The following SYT10 variants were observed in gnomAD, a reference collection of about 807,000 sequenced individuals.
SYT10 encodes synaptotagmin 10.
Under a neutral mutation model 51.1 loss-of-function variants are expected in SYT10, and 31 were observed. That is an observed-to-expected ratio of 0.61 (90% CI 0.46 to 0.82). SYT10 has a LOEUF of 0.82. Ranked by LOEUF, SYT10 falls within the 40% of genes least tolerant of loss-of-function variation. The pLI is 0.00. For missense variants in SYT10, 603 were observed against 634.0 expected (o/e 0.95, Z 0.53); for synonymous variants, 233 against 225.9 (o/e 1.03, Z -0.28).
At chr12:33,390,754 C>T (rs1178254016) in intron 3 of SYT10, among the ~76,000 whole-genome samples, 1 of 152,092 alleles carries the variant, frequency 6.6e-6, no homozygotes, top group African/African-American at 2.4e-5. Flanking sequence ...TAAAAAATGC[C>T]AAGCACTCTT....
chr12:33,407,576 C>T (rs886447074), intron 2 of SYT10, among the ~76,000 whole-genome samples: 5 of 152,132 alleles, frequency 3.3e-5, no homozygotes, highest in African/African-American at 1.2e-4. Context: ...ATCTGAAACA[C>T]TTAAATGTTC....
In SYT10 at chr12:33,375,530, C is replaced by A. The variant is rs1408283535; in HGVS notation, c.*1300G>T. 1 of 151,814 alleles carries A rather than the reference C, an allele frequency of 6.6e-6. No homozygotes were observed. The highest frequency in any genetic ancestry group is 1.5e-5 in the Non-Finnish European group (1 of 67,928). The allele number at this position is 151,814 out of a possible 1,614,324, so 9.4% of individuals were successfully genotyped here. On this transcript the variant is annotated 3_prime_UTR_variant, in exon 7 of 7. Coordinates refer to ENST00000228567, the MANE Select transcript of SYT10 (RefSeq NM_198992.4). ...CAGTATAGATACCTTCCAACAGGGC[C>A]TGAAAATGGGACAAAATATGTTGAC...
intron 3 of SYT10, among the ~76,000 whole-genome samples, chr12:33,389,391 A>G (rs938811799): frequency 6.6e-6 from 1 of 152,212 alleles, no homozygotes; most frequent in Non-Finnish European, 1.5e-5. Flanking sequence ...TGAAGACTAT[A>G]ATAAGTAACT....
intron 2 of SYT10, among the ~76,000 whole-genome samples, chr12:33,418,893 CT>C (rs1866477136): frequency 6.6e-6 from 1 of 152,126 alleles, no homozygotes; most frequent in African/African-American, 2.4e-5. Flanking sequence ...ACAGGTCATG[CT>C]ACTCTTTTGA....
intron 4 of SYT10, among the ~76,000 whole-genome samples, chr12:33,384,467 C>T (rs199533466): frequency 6.6e-6 from 1 of 152,080 alleles, no homozygotes; most frequent in East Asian, 1.9e-4. Context: ...CAACAAATAC[C>T]TACCAGTCTC....
chr12:33,422,620 C>G (rs533799559), intron 2 of SYT10, among the ~76,000 whole-genome samples: 1 of 151,730 alleles, frequency 6.6e-6, no homozygotes, highest in Non-Finnish European at 1.5e-5. Flanking sequence ...GATCACAGTA[C>G]CTTATCTGCT....
At position 33,399,806 on chromosome 12, in the gene SYT10, C is replaced by T. The variant is rs532191584; in HGVS notation, c.1077+6983G>A. Among the ~76,000 whole-genome samples the T allele has an allele frequency of 9.9e-5, 15 of 152,272 alleles. 1 individual carries two copies. Among genetic ancestry groups the T allele is most frequent in the African/African-American group, 2.4e-4 (10 of 41,554 alleles). On this transcript the variant is annotated intron_variant, in intron 3 of 6. Transcript: ENST00000228567. ...AACATAGATGCTTCCCATCAATTCT[C>T]GCAAAGTAAAAGACCTTACATACAG...
intron 3 of SYT10, among the ~76,000 whole-genome samples, 197 bp downstream of exon 3, chr12:33,406,592 A>G (rs1866354578): frequency 6.6e-6 from 1 of 152,214 alleles, no homozygotes; most frequent in African/African-American, 2.4e-5. Context: ...TTTTATTCAC[A>G]CAATCACTAG....
chr12:33,439,260 G>C (rs1866663469), intron 1 of SYT10, 112 bp downstream of exon 1: 1 of 1,367,258 alleles, frequency 7.3e-7, no homozygotes, highest in Non-Finnish European at 9.9e-7. Context: ...AAAGCGTGGC[G>C]CCCCAAATAT....
chr12:33,404,645 C>A (rs1311280946), intron 3 of SYT10, among the ~76,000 whole-genome samples: 1 of 152,158 alleles, frequency 6.6e-6, no homozygotes, highest in Non-Finnish European at 1.5e-5. Context: ...CCCACCTTGG[C>A]CTCCCAAAGT....
chr12:33,403,528 C>G (rs775344654), intron 3 of SYT10, among the ~76,000 whole-genome samples: 7 of 152,166 alleles, frequency 4.6e-5, no homozygotes, highest in Non-Finnish European at 1.0e-4. Flanking sequence ...AGCCACTGTG[C>G]CTGGCCAATA....
intron 2 of SYT10, among the ~76,000 whole-genome samples, chr12:33,418,265 G>T (rs550871328): frequency 6.6e-6 from 1 of 151,996 alleles, no homozygotes; most frequent in East Asian, 1.9e-4. Flanking sequence ...TCCAGGTTCC[G>T]CCCTCCCAGC....
intron 2 of SYT10, among the ~76,000 whole-genome samples, chr12:33,415,983 C>A (rs182974369): frequency 3.5e-4 from 54 of 152,312 alleles, no homozygotes; most frequent in African/African-American, 1.3e-3. Flanking sequence ...GTGTTCCTCT[C>A]ACATGGTGGC....
intron 3 of SYT10, among the ~76,000 whole-genome samples, chr12:33,403,977 A>G (rs1866329527): frequency 6.6e-6 from 1 of 152,224 alleles, no homozygotes; most frequent in Non-Finnish European, 1.5e-5. Context: ...GTGTGGTTCA[A>G]TGTTCTAGTT....
chr12:33,426,214 G>T lies in SYT10; in HGVS notation c.433C>A (p.Gln145Lys), dbSNP rs1410524097. ...ATTAAATGTTCTTTTAAAGCAGTTT[G>T]GACTTCTGCTGGGATGTCAGGGGAA... ...HTSPDIPAEV[Q>K]TALKEHLIKH... is the part of the protein sequence containing the mutation. Residue 145 changes from glutamine (Q) to lysine (K), a missense_variant, in exon 2 of 7, where the codon CAA (glutamine) becomes AAA (lysine). By Grantham distance (53) the Gln-to-Lys change is moderately conservative. Coordinates refer to ENST00000228567, the MANE Select transcript of SYT10 (RefSeq NM_198992.4). 1.2e-6 allele frequency: 2 copies of T among 1,614,050 alleles called. No homozygotes were observed. Among genetic ancestry groups the T allele is most frequent in the Admixed American group, 1.7e-5 (1 of 59,988 alleles).
rs142520012 is a variant in SYT10, at chr12:33,398,239, C to A, written c.1077+8550G>T. On this transcript the variant is annotated intron_variant, in intron 3 of 6. Coordinates refer to ENST00000228567, the MANE Select transcript of SYT10 (RefSeq NM_198992.4). ...AAAGAAGCAATAGTATCAGGCCGGG[C>A]GCGGTGGCTCACACCTGTAATCCCA... Among the ~76,000 whole-genome samples, 3 of 152,058 alleles carry A rather than the reference C, an allele frequency of 2.0e-5. No individual in the cohort carries two copies. The South Asian group carries it at 6.2e-4, about 32-fold the overall frequency.
At chr12:33,434,807 A>G (rs1358757852) in intron 1 of SYT10, among the ~76,000 whole-genome samples, 1 of 152,226 alleles carries the variant, frequency 6.6e-6, no homozygotes, top group Non-Finnish European at 1.5e-5. Flanking sequence ...CTCCATCTCA[A>G]AAAAATAAAA....
intron 1 of SYT10, among the ~76,000 whole-genome samples, chr12:33,428,513 A>G (rs1866570359): frequency 6.6e-6 from 1 of 152,236 alleles, no homozygotes; most frequent in Non-Finnish European, 1.5e-5. Context: ...AATTAAAACA[A>G]GAGTTGAGAA....
At chr12:33,395,934 C>A (rs1307018387) in intron 3 of SYT10, among the ~76,000 whole-genome samples, 1 of 152,178 alleles carries the variant, frequency 6.6e-6, no homozygotes, top group Non-Finnish European at 1.5e-5. Flanking sequence ...TCAGGGCGAA[C>A]AGCTGAACTA....
Sources: gnomAD v4.1 joint callset for allele counts (sites outside exome capture counted in the v4.1 genomes callset) on GRCh38, gnomAD v4.1.1 for gene constraint, MANE v1.5 for transcripts, NCBI Gene and HGNC (gene_info 2026-07-23, HGNC 2026-07-21) for gene names.